Variants in TOGARAM1 observed in about 807,000 individuals in gnomAD.
TOGARAM1 encodes the protein TOG array regulator of axonemal microtubules 1, also known as TOG array regulator of axonemal microtubules protein 1.
In TOGARAM1, 100 loss-of-function variants were observed where a neutral mutation model predicts 166.6. The ratio of observed to expected loss-of-function variants is 0.60; its 90% CI spans 0.51 to 0.71. The LOEUF is 0.71. TOGARAM1 is among the 30% of genes least tolerant of loss of function. The pLI, the probability that TOGARAM1 is intolerant of heterozygous loss-of-function variation, is 0.00. For synonymous variants in TOGARAM1, 758 were observed against 763.8 expected, an observed-to-expected ratio of 0.99 and a Z score of 0.13; for missense variants, 2,029 against 2,102.7, an observed-to-expected ratio of 0.96 and a Z score of 0.69.
intron 1 of TOGARAM1, among the ~76,000 whole-genome samples, chr14:44,990,236 A>C (rs774082025): frequency 2.0e-5 from 3 of 152,256 alleles, no homozygotes; most frequent in South Asian, 2.1e-4. Flanking sequence ...AGAAATCACC[A>C]AATAGACCGT....
intron 6 of TOGARAM1, among the ~76,000 whole-genome samples, chr14:45,010,280 T>G (rs1393181562): frequency 1.3e-5 from 2 of 152,208 alleles, no homozygotes; most frequent in Admixed American, 6.5e-5. Flanking sequence ...CTATACATTT[T>G]TAGCAGCTTG....
chr14:44,985,114 A>G (rs762011337), intron 1 of TOGARAM1, among the ~76,000 whole-genome samples: 1 of 152,068 alleles, frequency 6.6e-6, no homozygotes, highest in Non-Finnish European at 1.5e-5. Flanking sequence ...CCCAGGTTCA[A>G]GTGATTCTCC....
intron 11 of TOGARAM1, among the ~76,000 whole-genome samples, chr14:45,042,673 G>A (rs886350769): frequency 1.3e-4 from 20 of 152,018 alleles, no homozygotes; most frequent in Admixed American, 1.1e-3. Flanking sequence ...ACACTATAAT[G>A]TAGTCTAATA....
intron 18 of TOGARAM1, among the ~76,000 whole-genome samples, chr14:45,069,812 TTAAAATC>T (rs1883297446): frequency 6.6e-6 from 1 of 152,174 alleles, no homozygotes; most frequent in Non-Finnish European, 1.5e-5. Flanking sequence ...GGCAGTTTCT[TTAAAATC>T]TAAATATACC....
chr14:45,043,568 C>G (rs72672914), intron 11 of TOGARAM1, 118 bp from the exon 12 acceptor site: 35,155 of 674,274 alleles, frequency 0.052, 1,180 homozygotes, highest in Middle Eastern at 0.087. Context: ...CTGAGCCTTT[C>G]TCACCTTTCT....
intron 11 of TOGARAM1, among the ~76,000 whole-genome samples, chr14:45,037,688 C>G (rs1320144954): frequency 6.6e-6 from 1 of 152,070 alleles, no homozygotes; most frequent in Non-Finnish European, 1.5e-5. Flanking sequence ...ATAATTGGAA[C>G]TTCAATAATC....
intron 18 of TOGARAM1, among the ~76,000 whole-genome samples, chr14:45,069,363 T>C (rs1031581146): frequency 6.6e-6 from 1 of 151,618 alleles, no homozygotes; most frequent in African/African-American, 2.4e-5. Flanking sequence ...AGTGAGACTC[T>C]GTATCAAAAA....
intron 17 of TOGARAM1, among the ~76,000 whole-genome samples, chr14:45,067,357 C>A (rs1048259113): frequency 3.9e-5 from 6 of 151,980 alleles, no homozygotes; most frequent in African/African-American, 1.5e-4. Context: ...AGATAAGAGA[C>A]TTGATATTGC....
At chr14:45,034,069 A>G (rs1881305490) in intron 11 of TOGARAM1, among the ~76,000 whole-genome samples, 1 of 152,168 alleles carries the variant, frequency 6.6e-6, no homozygotes, top group Non-Finnish European at 1.5e-5. Context: ...AGGCACAAGA[A>G]TCGCTTGAAC....
At position 44,963,217 on chromosome 14, in the gene TOGARAM1, G is replaced by C. The variant is rs1211870955; in HGVS notation, c.796G>C (p.Asp266His). Residue 266 changes from aspartate to histidine, a missense_variant, in exon 1 of 20, where the codon GAT becomes CAT. Asp to His is a moderately conservative substitution (Grantham distance 81, BLOSUM62 -1). Coordinates refer to ENST00000361462, the MANE Select transcript of TOGARAM1 (RefSeq NM_001308120.2). ...AATATCCCTAGCCCGAAAGCTTGGT[G>C]ATCAGGAGACAGAAGAAGAATCTGA... is the stretch of plus-strand genomic sequence containing the variant. ...VIISLARKLG[D>H]QETEEESETA... 1 of 1,614,110 alleles carries C rather than the reference G, an allele frequency of 6.2e-7. No homozygotes were observed. Among genetic ancestry groups the C allele is most frequent in the Non-Finnish European group, 8.5e-7 (1 of 1,180,054 alleles).
intron 7 of TOGARAM1, among the ~76,000 whole-genome samples, chr14:45,023,138 C>T (rs1250377553): frequency 1.3e-5 from 2 of 152,172 alleles, no homozygotes; most frequent in Non-Finnish European, 2.9e-5. Context: ...CCCCACTTTT[C>T]GAAGTCCTTT....
intron 16 of TOGARAM1, among the ~76,000 whole-genome samples, chr14:45,057,652 C>T (rs149309684): frequency 1.3e-5 from 2 of 151,816 alleles, no homozygotes; most frequent in African/African-American, 2.4e-5. Context: ...TTTGTGTTTC[C>T]CTTTTCATTT....
At chr14:45,000,489 A>T (rs1374776912) in intron 3 of TOGARAM1, among the ~76,000 whole-genome samples, 3 of 152,156 alleles carry the variant, frequency 2.0e-5, no homozygotes, top group Admixed American at 6.5e-5. Context: ...TTCACTTAAG[A>T]TAATGTCCTC....
chr14:45,032,660 C>G (rs1881228868), intron 11 of TOGARAM1, among the ~76,000 whole-genome samples: 1 of 152,140 alleles, frequency 6.6e-6, no homozygotes. Context: ...CACCATTTCT[C>G]AAAGTATTTC....
At chr14:45,036,844 A>G (rs1881460320) in intron 11 of TOGARAM1, among the ~76,000 whole-genome samples, 1 of 152,232 alleles carries the variant, frequency 6.6e-6, no homozygotes, top group Non-Finnish European at 1.5e-5. Flanking sequence ...TGATAAAGAC[A>G]TATCCAAGAG....
chr14:45,033,935 C>G (rs1881296292), intron 11 of TOGARAM1, among the ~76,000 whole-genome samples: 1 of 152,128 alleles, frequency 6.6e-6, no homozygotes, highest in Non-Finnish European at 1.5e-5. Context: ...GGCCAGATGA[C>G]TTGAGGTCAG....
At chr14:44,975,052 T>C (rs1003043861) in intron 1 of TOGARAM1, among the ~76,000 whole-genome samples, 3 of 152,310 alleles carry the variant, frequency 2.0e-5, no homozygotes, top group Non-Finnish European at 4.4e-5. Flanking sequence ...AACAAAGAGA[T>C]TCTTGCTTCC....
intron 18 of TOGARAM1, among the ~76,000 whole-genome samples, chr14:45,070,001 T>C (rs1883305352): frequency 1.3e-5 from 2 of 151,900 alleles, no homozygotes; most frequent in Non-Finnish European, 2.9e-5. Context: ...GCTAACATGG[T>C]GAAACCCCGT....
Position 45,068,443 on chromosome 14 carries a change from C to A in TOGARAM1, c.4769C>A (p.Ser1590Tyr). 1 of 1,607,408 alleles carries A rather than the reference C, an allele frequency of 6.2e-7. No homozygotes were observed. The highest frequency in any genetic ancestry group is 8.5e-7 in the Non-Finnish European group (1 of 1,177,504). Residue 1590 changes from serine to tyrosine, a missense_variant, in exon 18 of 20, where the codon TCT becomes TAT. Ser to Tyr is a moderately radical substitution (Grantham distance 144). Coordinates refer to ENST00000361462, the MANE Select transcript of TOGARAM1 (RefSeq NM_001308120.2). ...TTTCAGATTTTTGATGCTTTTAAATCTCGACTTCATGATTCTAATAGTAAA... is the reference window on the plus strand; with the variant it reads ...TTTCAGATTTTTGATGCTTTTAAATATCGACTTCATGATTCTAATAGTAAA... ...NIVKIFDAFK[S>Y]RLHDSNSKVN...
Sources: allele counts gnomAD v4.1 joint callset (sites outside exome capture counted in the v4.1 genomes callset), GRCh38; gene constraint gnomAD v4.1.1; transcripts MANE v1.5; gene names NCBI Gene and HGNC (gene_info 2026-07-23, HGNC 2026-07-21).